Variants in HIPK2 observed in about 807,000 individuals in gnomAD.
HIPK2 encodes homeodomain-interacting protein kinase 2.
HIPK2 carries 27 observed loss-of-function variants against 113.7 expected under a neutral mutation model. The observed-to-expected ratio is 0.24, with a 90% CI of 0.17 to 0.33. HIPK2 has a LOEUF of 0.33. Ranked by LOEUF, HIPK2 falls within the 10% of genes least tolerant of loss-of-function variation. The probability of loss-of-function intolerance (pLI) is 1.00; values close to 1 mark genes in which losing one functional copy is unlikely to be tolerated. For missense variants in HIPK2, 1,257 were observed against 1,588.0 expected, an observed-to-expected ratio of 0.79 and a Z score of 3.54; for synonymous variants, 631 against 642.2, an observed-to-expected ratio of 0.98 and a Z score of 0.26.
chr7:139,679,089 C>G (rs1402522280), intron 2 of HIPK2, among the ~76,000 whole-genome samples: 1 of 152,206 alleles, frequency 6.6e-6, no homozygotes, highest in Non-Finnish European at 1.5e-5. Flanking sequence ...TTTAAACACA[C>G]AATCATGTCA....
At chr7:139,709,923 C>T (rs1795011601) in intron 2 of HIPK2, among the ~76,000 whole-genome samples, 1 of 152,188 alleles carries the variant, frequency 6.6e-6, no homozygotes, top group South Asian at 2.1e-4. Flanking sequence ...GCAATCAAAG[C>T]ATCGGAAAAG....
intron 2 of HIPK2, among the ~76,000 whole-genome samples, chr7:139,642,714 C>T (rs988750519): frequency 5.3e-5 from 8 of 152,120 alleles, no homozygotes; most frequent in African/African-American, 1.9e-4. Flanking sequence ...GGGTGATAGG[C>T]AGACAAGCAA....
intron 9 of HIPK2, among the ~76,000 whole-genome samples, chr7:139,608,713 C>T (rs1272076194): frequency 6.6e-6 from 1 of 152,020 alleles, no homozygotes; most frequent in African/African-American, 2.4e-5. Context: ...ATAAAGGTGG[C>T]ATGAACAAGT....
chr7:139,763,792 C>T (rs1796509807), intron 1 of HIPK2, among the ~76,000 whole-genome samples: 2 of 152,270 alleles, frequency 1.3e-5, no homozygotes, highest in East Asian at 1.9e-4. Context: ...CCTGCGCATG[C>T]GCAGAGCAGC....
chr7:139,634,867 G>A (rs1445457131), intron 2 of HIPK2, among the ~76,000 whole-genome samples: 1 of 151,706 alleles, frequency 6.6e-6, no homozygotes, highest in Non-Finnish European at 1.5e-5. Flanking sequence ...TAGCAGAGGC[G>A]GGTTTTCACC....
At chr7:139,595,799 T>A (rs1585252329) in intron 12 of HIPK2, among the ~76,000 whole-genome samples, 1 of 152,274 alleles carries the variant, frequency 6.6e-6, no homozygotes, top group East Asian at 1.9e-4. Context: ...GATTTGTGAT[T>A]ACTAATTAGT....
At chr7:139,692,038 C>T (rs1487810998) in intron 2 of HIPK2, among the ~76,000 whole-genome samples, 1 of 152,036 alleles carries the variant, frequency 6.6e-6, no homozygotes, top group African/African-American at 2.4e-5. Flanking sequence ...AAAAATAAAA[C>T]TTAAGGTAAC....
At chr7:139,688,258 G>C (rs1201564594) in intron 2 of HIPK2, among the ~76,000 whole-genome samples, 1 of 152,204 alleles carries the variant, frequency 6.6e-6, no homozygotes, top group African/African-American at 2.4e-5. Context: ...CATTCATCGA[G>C]ATCAAGAGGC....
intron 2 of HIPK2, among the ~76,000 whole-genome samples, chr7:139,632,250 A>T (rs537288576): frequency 2.6e-5 from 4 of 152,182 alleles, no homozygotes; most frequent in Non-Finnish European, 4.4e-5. Flanking sequence ...TTCTGAACTC[A>T]AACAATCCTT....
Position 139,572,909 on chromosome 7 carries a change from C to A in HIPK2, c.*18G>T. 2 of 877,672 alleles carry A rather than the reference C, an allele frequency of 2.3e-6. No individual in the cohort carries two copies. Among genetic ancestry groups the A allele is most frequent in the South Asian group, 1.7e-5 (1 of 57,500 alleles). The allele number at this position is 877,672 out of a possible 1,614,324, so 54.4% of individuals were successfully genotyped here. On this transcript the variant is annotated 3_prime_UTR_variant, in exon 15 of 15. Coordinates refer to ENST00000406875, the MANE Select transcript of HIPK2 (RefSeq NM_022740.5). The stretch of plus-strand genomic sequence containing the variant: ...GGCCATTCTCTCCCTCCCTCCCTCC[C>A]TCCCTCCCCTCCAGTGTTTATATGT...
intron 2 of HIPK2, among the ~76,000 whole-genome samples, chr7:139,697,301 G>A (rs1298601081): frequency 1.3e-5 from 2 of 152,190 alleles, no homozygotes; most frequent in Non-Finnish European, 2.9e-5. Flanking sequence ...CTGCAGTAAA[G>A]CTGCTCCTTT....
chr7:139,586,859 T>TA (rs1224822314), intron 12 of HIPK2, among the ~76,000 whole-genome samples: 1 of 152,146 alleles, frequency 6.6e-6, no homozygotes, highest in East Asian at 1.9e-4. Context: ...TGTTTGAGTC[T>TA]ACATATATGA....
At chr7:139,700,533 A>G (rs1452745790) in intron 2 of HIPK2, among the ~76,000 whole-genome samples, 9 of 152,122 alleles carry the variant, frequency 5.9e-5, no homozygotes, top group African/African-American at 1.9e-4. Context: ...CATGCACCCA[A>G]CTTCTTAAAT....
chr7:139,721,497 AG>A, intron 1 of HIPK2, among the ~76,000 whole-genome samples: 1 of 152,272 alleles, frequency 6.6e-6, no homozygotes, highest in East Asian at 1.9e-4. Context: ...GGGGGTGCAG[AG>A]GGGGACTCAA....
At chr7:139,753,367 G>A (rs1027223781) in intron 1 of HIPK2, among the ~76,000 whole-genome samples, 2 of 152,172 alleles carry the variant, frequency 1.3e-5, no homozygotes, top group African/African-American at 4.8e-5. Context: ...CAGCAACCAC[G>A]GGAGCCTTCC....
chr7:139,647,205 A>G (rs1019621640), intron 2 of HIPK2, among the ~76,000 whole-genome samples: 2 of 150,492 alleles, frequency 1.3e-5, no homozygotes, highest in Non-Finnish European at 2.9e-5. Flanking sequence ...TGCATGACTG[A>G]TCTCTGTACA....
intron 10 of HIPK2, among the ~76,000 whole-genome samples, chr7:139,603,330 T>C (rs1799504356): frequency 6.6e-6 from 1 of 152,088 alleles, no homozygotes; most frequent in African/African-American, 2.4e-5. Flanking sequence ...CATCTGGCTC[T>C]GCACTGGTGA....
chr7:139,738,792 A>G (rs562554324), intron 1 of HIPK2, among the ~76,000 whole-genome samples: 1 of 152,350 alleles, frequency 6.6e-6, no homozygotes, highest in Non-Finnish European at 1.5e-5. Flanking sequence ...ATTTCCAAAT[A>G]AAATGTTTTT....
intron 2 of HIPK2, among the ~76,000 whole-genome samples, chr7:139,673,722 G>A (rs1213439773): frequency 6.6e-6 from 1 of 151,946 alleles, no homozygotes; most frequent in Non-Finnish European, 1.5e-5. Context: ...TTGGCACAGA[G>A]CAAAGCCCAT....
Sources: gnomAD v4.1 joint callset for allele counts (sites outside exome capture counted in the v4.1 genomes callset) on GRCh38, gnomAD v4.1.1 for gene constraint, MANE v1.5 for transcripts, NCBI Gene and HGNC (gene_info 2026-07-23, HGNC 2026-07-21) for gene names.